Variants in FBXL17 observed in about 807,000 individuals in gnomAD.
The protein encoded by FBXL17 is F-box and leucine rich repeat protein 17.
In FBXL17, 22 loss-of-function variants were observed where a neutral mutation model predicts 66.2. The observed-to-expected ratio is 0.33, with a 90% CI of 0.24 to 0.47. FBXL17 has a LOEUF of 0.47. Ranked by LOEUF, FBXL17 falls within the 20% of genes least tolerant of loss-of-function variation. The pLI is 1.00. For synonymous variants in FBXL17, 474 were observed against 400.5 expected (o/e 1.18, Z -2.19); for missense variants, 878 against 948.2 (o/e 0.93, Z 0.97).
intron 4 of FBXL17, among the ~76,000 whole-genome samples, chr5:108,290,580 T>C (rs1046804486): frequency 1.3e-5 from 2 of 151,988 alleles, no homozygotes; most frequent in East Asian, 3.9e-4. Flanking sequence ...GGGACTGTAT[T>C]GAACTTAATG....
chr5:108,008,945 C>G (rs981589657), intron 7 of FBXL17, among the ~76,000 whole-genome samples: 2 of 151,288 alleles, frequency 1.3e-5, no homozygotes, highest in Admixed American at 6.6e-5. Context: ...AAGCAAACTG[C>G]TTTCTTGGAG....
At chr5:108,263,046 C>T (rs1047522574) in intron 4 of FBXL17, among the ~76,000 whole-genome samples, 11 of 152,158 alleles carry the variant, frequency 7.2e-5, no homozygotes, top group African/African-American at 2.2e-4. Context: ...ATTTTCCTCA[C>T]CATCTCAGTT....
chr5:107,914,391 C>T (rs1750056967), intron 7 of FBXL17, among the ~76,000 whole-genome samples: 1 of 152,136 alleles, frequency 6.6e-6, no homozygotes, highest in South Asian at 2.1e-4. Context: ...AAACTTTCCC[C>T]AACTCATTTC....
intron 4 of FBXL17, among the ~76,000 whole-genome samples, chr5:108,255,077 A>G (rs996953923): frequency 2.6e-5 from 4 of 152,200 alleles, no homozygotes; most frequent in Non-Finnish European, 4.4e-5. Context: ...AAATTAATCA[A>G]TCTGGAGGAA....
At chr5:108,080,279 C>A (rs1372552372) in intron 6 of FBXL17, among the ~76,000 whole-genome samples, 1 of 152,184 alleles carries the variant, frequency 6.6e-6, no homozygotes. Flanking sequence ...ATAACCTGTT[C>A]TATTAATTAT....
chr5:107,892,720 T>G (rs1257302111), intron 7 of FBXL17, among the ~76,000 whole-genome samples: 2 of 152,096 alleles, frequency 1.3e-5, no homozygotes, highest in Non-Finnish European at 2.9e-5. Context: ...AAACTAAACA[T>G]GGAAAATGTA....
intron 4 of FBXL17, among the ~76,000 whole-genome samples, chr5:108,272,398 G>A (rs1370399159): frequency 6.6e-6 from 1 of 150,910 alleles, no homozygotes; most frequent in East Asian, 1.9e-4. Context: ...CTGTTGCCCA[G>A]GCTGGATTGC....
intron 7 of FBXL17, among the ~76,000 whole-genome samples, chr5:108,013,014 C>CAAAAAAAAA (rs57393639): frequency 1.3e-5 from 1 of 79,424 alleles, no homozygotes; most frequent in African/African-American, 5.3e-5. Context: ...AACTCCGTCT[C>CAAAAAAAAA]AAAAAAAAAA....
chr5:108,287,165 A>G (rs1297405494), intron 4 of FBXL17, among the ~76,000 whole-genome samples: 1 of 152,150 alleles, frequency 6.6e-6, no homozygotes, highest in Non-Finnish European at 1.5e-5. Context: ...AAACTATAAA[A>G]ATATTGAAAG....
chr5:108,112,183 T>C (rs189301392), intron 6 of FBXL17, among the ~76,000 whole-genome samples: 3 of 152,178 alleles, frequency 2.0e-5, no homozygotes, highest in Non-Finnish European at 4.4e-5. Flanking sequence ...GCTCTGGAGA[T>C]AGGCACAGTC....
At chr5:108,049,332 T>G (rs1747383971) in intron 6 of FBXL17, among the ~76,000 whole-genome samples, 1 of 151,642 alleles carries the variant, frequency 6.6e-6, no homozygotes, top group Non-Finnish European at 1.5e-5. Flanking sequence ...TAATCTTTAG[T>G]ACAGATGGGG....
intron 7 of FBXL17, among the ~76,000 whole-genome samples, chr5:108,008,617 A>C (rs1301068476): frequency 6.6e-6 from 1 of 152,206 alleles, no homozygotes; most frequent in Non-Finnish European, 1.5e-5. Flanking sequence ...ATTCATTAAA[A>C]GTTAATTGGT....
intron 4 of FBXL17, among the ~76,000 whole-genome samples, chr5:108,315,547 T>G (rs1210871380): frequency 6.6e-6 from 1 of 151,230 alleles, no homozygotes; most frequent in African/African-American, 2.4e-5. Context: ...ATAATATATT[T>G]CTGTCACTGT....
chr5:108,121,468 T>C (rs750081199), intron 6 of FBXL17, among the ~76,000 whole-genome samples: 5 of 152,214 alleles, frequency 3.3e-5, no homozygotes, highest in Non-Finnish European at 7.3e-5. Context: ...CTTTCTAAGT[T>C]ATACAGAATG....
chr5:108,370,859 A>G (rs1185219174), intron 1 of FBXL17, among the ~76,000 whole-genome samples: 1 of 152,160 alleles, frequency 6.6e-6, no homozygotes, highest in African/African-American at 2.4e-5. Context: ...AAATATCTGG[A>G]CAATATATTA....
intron 5 of FBXL17, among the ~76,000 whole-genome samples, chr5:108,190,604 G>A (rs904948066): frequency 6.6e-6 from 1 of 152,092 alleles, no homozygotes; most frequent in Non-Finnish European, 1.5e-5. Context: ...GTTCCCTAAA[G>A]TTTTATTTTT....
intron 6 of FBXL17, among the ~76,000 whole-genome samples, chr5:108,116,139 A>G (rs984832823): frequency 6.6e-6 from 1 of 152,192 alleles, no homozygotes; most frequent in Non-Finnish European, 1.5e-5. Context: ...AGAAACAAGA[A>G]AAACACTAAA....
chr5:108,380,593 G>C, intron 1 of FBXL17, 106 bp downstream of exon 1: 1 of 688,866 alleles, frequency 1.5e-6, no homozygotes, highest in Non-Finnish European at 2.1e-6. Context: ...TAGGCTGCCA[G>C]GGAACCCCCC....
chr5:108,155,796 A>G (rs935053929), intron 6 of FBXL17, among the ~76,000 whole-genome samples: 2 of 152,210 alleles, frequency 1.3e-5, no homozygotes, highest in Non-Finnish European at 2.9e-5. Context: ...ACAAAAAATA[A>G]AAATAAGAAT....
Sources: allele counts gnomAD v4.1 joint callset (sites outside exome capture counted in the v4.1 genomes callset), GRCh38; gene constraint gnomAD v4.1.1; transcripts MANE v1.5; gene names NCBI Gene and HGNC (gene_info 2026-07-23, HGNC 2026-07-21).